The following NHS variants were observed in gnomAD, a reference collection of about 807,000 sequenced individuals.
NHS encodes the protein NHS actin remodeling regulator.
NHS carries 5 observed loss-of-function variants against 72.5 expected under a neutral mutation model. The ratio of observed to expected loss-of-function variants is 0.07; its 90% CI spans 0.04 to 0.14. The LOEUF (loss-of-function observed/expected upper bound fraction) is 0.14, where lower values mean the gene tolerates loss of function less well. Ranked by LOEUF, NHS falls within the 10% of genes least tolerant of loss-of-function variation. The pLI is 1.00. For missense variants in NHS, 1,072 were observed against 1,355.7 expected, an observed-to-expected ratio of 0.79 and a Z score of 3.29; for synonymous variants, 464 against 547.7, an observed-to-expected ratio of 0.85 and a Z score of 2.13.
chrX:17,657,401 AG>A lies in NHS; in HGVS notation c.566-30339del, dbSNP rs1199593331. The stretch of plus-strand genomic sequence containing the variant: ...TGTTTTTCACAGCTGCTTGTGAGCA[AG>A]GCAAAGATAACGAGCATCTAAAAAT... On this transcript the variant is annotated intron_variant, in intron 1 of 8. Transcript: ENST00000676302. Among the ~76,000 whole-genome samples, 15 of 3,053 alleles carry A rather than the reference AG, an allele frequency of 4.9e-3. No homozygotes were observed. The South Asian group carries it at 0.25, about 51-fold the overall frequency. The allele number at this position is 3,053 out of a possible 115,157, so 2.7% of individuals were successfully genotyped here. A position where few individuals can be genotyped will look rare whatever the true frequency, so the allele number is the denominator to read the frequency against.
chrX:17,576,299 C>T, intron 1 of NHS, among the ~76,000 whole-genome samples: 1 of 111,852 alleles, frequency 8.9e-6, no homozygotes. Flanking sequence ...TTAATTTCTT[C>T]TTTGTATGAT....
intron 1 of NHS, among the ~76,000 whole-genome samples, chrX:17,467,225 G>T (rs1029982215): frequency 8.9e-6 from 1 of 111,924 alleles, no homozygotes; most frequent in Admixed American, 9.4e-5. Flanking sequence ...TACTGAAGTT[G>T]TCTTTTCTTT....
chrX:17,691,695 C>T (rs1429926962), intron 2 of NHS, among the ~76,000 whole-genome samples: 2 of 111,625 alleles, frequency 1.8e-5, no homozygotes, highest in Admixed American at 9.5e-5. Flanking sequence ...CCTAGAAAAG[C>T]GCATGGCAGT....
chrX:17,483,229 T>C (rs901251781), intron 1 of NHS, among the ~76,000 whole-genome samples: 2 of 112,241 alleles, frequency 1.8e-5, no homozygotes, highest in African/African-American at 6.5e-5. Flanking sequence ...GCCAAGTATA[T>C]TGAAATACAG....
intron 1 of NHS, chrX:17,635,615 C>T: frequency 8.6e-7 from 1 of 1,165,076 alleles, no homozygotes. Context: ...TTGGGGTTTG[C>T]AGCATTTCTT....
intron 1 of NHS, among the ~76,000 whole-genome samples, chrX:17,567,968 C>T (rs894132964): frequency 5.4e-5 from 6 of 111,563 alleles, no homozygotes; most frequent in African/African-American, 2.0e-4. Context: ...TTTGTCCTTC[C>T]AGATATAGTT....
At chrX:17,433,086 G>A (rs1239931595) in intron 1 of NHS, among the ~76,000 whole-genome samples, 2 of 108,636 alleles carry the variant, frequency 1.8e-5, no homozygotes, top group East Asian at 5.8e-4. Context: ...CTGGAGTTCA[G>A]TGGCGCAATC....
intron 1 of NHS, among the ~76,000 whole-genome samples, chrX:17,663,100 G>C (rs1178553925): frequency 9.0e-6 from 1 of 111,427 alleles, no homozygotes; most frequent in Non-Finnish European, 1.9e-5. Flanking sequence ...TATTGTGCAG[G>C]CTCTGCTTGA....
At chrX:17,634,499 T>C (rs1220620442) in intron 1 of NHS, among the ~76,000 whole-genome samples, 1 of 111,769 alleles carries the variant, frequency 8.9e-6, no homozygotes, top group African/African-American at 3.3e-5. Context: ...ATTCACTTGC[T>C]GGGCTCAGGT....
intron 1 of NHS, among the ~76,000 whole-genome samples, chrX:17,474,498 G>A (rs765295894): frequency 1.8e-5 from 2 of 111,786 alleles, no homozygotes; most frequent in South Asian, 7.6e-4. Flanking sequence ...GGGAGTGCCA[G>A]TGGAATCAAC....
chrX:17,472,589 A>T (rs1169976991), intron 1 of NHS, among the ~76,000 whole-genome samples: 1 of 112,355 alleles, frequency 8.9e-6, no homozygotes, highest in Non-Finnish European at 1.9e-5. Flanking sequence ...AGCAACTTTC[A>T]ACGTACCTTG....
At chrX:17,472,021 C>A (rs1569261568) in intron 1 of NHS, among the ~76,000 whole-genome samples, 2 of 111,492 alleles carry the variant, frequency 1.8e-5, no homozygotes, top group Non-Finnish European at 3.8e-5. Flanking sequence ...ATCTGATGAA[C>A]CCTGCTGTAT....
At chrX:17,687,579 T>C in intron 1 of NHS, 163 bp from the exon 2 acceptor site, 1 of 665,081 alleles carries the variant, frequency 1.5e-6, no homozygotes, top group Non-Finnish European at 2.4e-6. Context: ...GTATCATAAA[T>C]GCCAAACCTT....
At chrX:17,678,782 C>T (rs1167137031) in intron 1 of NHS, among the ~76,000 whole-genome samples, 1 of 111,720 alleles carries the variant, frequency 9.0e-6, no homozygotes, top group Non-Finnish European at 1.9e-5. Flanking sequence ...TTCACTACTA[C>T]ATAATAGACA....
chrX:17,635,334 A>G, intron 1 of NHS: 1 of 1,091,733 alleles, frequency 9.2e-7, no homozygotes, highest in Non-Finnish European at 1.2e-6. Context: ...ATTAGCAGCC[A>G]GCCTAGCACT....
intron 1 of NHS, among the ~76,000 whole-genome samples, chrX:17,547,875 C>T (rs1011807447): frequency 4.5e-5 from 5 of 111,981 alleles, no homozygotes; most frequent in Non-Finnish European, 9.4e-5. Flanking sequence ...GGCGTCTCAG[C>T]TGCAGCAGCT....
intron 1 of NHS, among the ~76,000 whole-genome samples, chrX:17,659,658 G>C (rs1372004225): frequency 8.9e-6 from 1 of 112,050 alleles, no homozygotes; most frequent in African/African-American, 3.3e-5. Context: ...GTCATTAAAA[G>C]TGACTTCATA....
At chrX:17,591,946 G>T (rs1262521651) in intron 1 of NHS, among the ~76,000 whole-genome samples, 1 of 111,476 alleles carries the variant, frequency 9.0e-6, no homozygotes, top group African/African-American at 3.3e-5. Context: ...TTCCTGGATA[G>T]TCTTGTGTTT....
chrX:17,602,046 T>A (rs2065652556), intron 1 of NHS, among the ~76,000 whole-genome samples: 1 of 111,813 alleles, frequency 8.9e-6, no homozygotes, highest in Non-Finnish European at 1.9e-5. Flanking sequence ...GCCAGGAAGA[T>A]AAGAGGATTG....
Sources: allele counts gnomAD v4.1 joint callset (sites outside exome capture counted in the v4.1 genomes callset), GRCh38; gene constraint gnomAD v4.1.1; transcripts MANE v1.5; gene names NCBI Gene and HGNC (gene_info 2026-07-23, HGNC 2026-07-21).